Variants in MCM6 observed in about 807,000 individuals in gnomAD.
MCM6 encodes DNA replication licensing factor MCM6.
Under a neutral mutation model 94.3 loss-of-function variants are expected in MCM6, and 46 were observed. That is an observed-to-expected ratio of 0.49 (90% CI 0.39 to 0.62). The LOEUF (loss-of-function observed/expected upper bound fraction) is 0.62. MCM6 is among the 20% of genes least tolerant of loss of function. The pLI, the probability that MCM6 is intolerant of heterozygous loss-of-function variation, is 0.00. For synonymous variants in MCM6, 335 were observed against 351.9 expected (o/e 0.95, Z 0.54); for missense variants, 865 against 1,017.9 (o/e 0.85, Z 2.04).
At chr2:135,847,081 A>G (rs754812644) in intron 14 of MCM6, among the ~76,000 whole-genome samples, 1 of 152,212 alleles carries the variant, frequency 6.6e-6, no homozygotes, top group Non-Finnish European at 1.5e-5. Flanking sequence ...ATTTTCAAAT[A>G]AATTAGAAGC....
At position 135,859,431 on chromosome 2, in the gene MCM6, T is replaced by C; in HGVS notation, c.1232A>G (p.Glu411Gly). The C allele has an allele frequency of 6.2e-7, 1 of 1,610,756 alleles. No homozygotes were observed. Among genetic ancestry groups the C allele is most frequent in the Non-Finnish European group, 8.5e-7 (1 of 1,178,478 alleles). The change falls in exon 9 of 17, where the codon GAG becomes GGG. Residue 411 changes from glutamate to glycine, a missense_variant. Glu to Gly is a moderately conservative substitution (Grantham distance 98, BLOSUM62 -2). Around this residue, in one of 3 missense-constraint regions of MCM6, gnomAD observed 153 missense variants for 241.5 expected, o/e 0.63. Transcript: ENST00000264156. ...AKSQFLKHVE[E>G]FSPRAVYTSG... ...GGTGTAGACAGCTCTGGGGCTGAACTCCTCCACGTGCCTGTTCAAGGTTAT... is the reference window on the plus strand; with the variant it reads ...GGTGTAGACAGCTCTGGGGCTGAACCCCTCCACGTGCCTGTTCAAGGTTAT...
chr2:135,843,600 C>T (rs539073425), intron 16 of MCM6, among the ~76,000 whole-genome samples: 6 of 151,308 alleles, frequency 4.0e-5, no homozygotes, highest in South Asian at 2.1e-4. Context: ...ATTAGCCGGG[C>T]GTGGTGGCCG....
At chr2:135,864,004 G>A (rs113135582) in intron 7 of MCM6, among the ~76,000 whole-genome samples, 24 of 152,068 alleles carry the variant, frequency 1.6e-4, no homozygotes, top group African/African-American at 3.4e-4. Context: ...CCAGCTACTC[G>A]TGAGGCTGAG....
chr2:135,850,040 AT>A (rs1558755657), intron 13 of MCM6, among the ~76,000 whole-genome samples: 2 of 152,210 alleles, frequency 1.3e-5, no homozygotes, highest in African/African-American at 4.8e-5. Context: ...ATAAAAATCA[AT>A]TAGAGACTGC....
At position 135,840,792 on chromosome 2, in the gene MCM6, C is replaced by G. The variant is rs1679553876; in HGVS notation, c.*43G>C. On this transcript the variant is annotated 3_prime_UTR_variant, in exon 17 of 17. Transcript: ENST00000264156. ...CAGCCAGGCTCCAGGCCACGAGGTG[C>G]TGTGCCACAGTTCCTCAGCTCTGGT... The G allele has an allele frequency of 4.4e-6, 6 of 1,368,938 alleles. No individual in the cohort carries two copies. The highest frequency in any genetic ancestry group is 6.3e-6 in the Non-Finnish European group (6 of 957,276). The allele number at this position is 1,368,938 out of a possible 1,614,324, so 84.8% of individuals were successfully genotyped here.
intron 14 of MCM6, among the ~76,000 whole-genome samples, chr2:135,847,195 T>C (rs948274982): frequency 6.6e-6 from 1 of 152,150 alleles, no homozygotes; most frequent in Admixed American, 6.6e-5. Context: ...TGCAGTATTA[T>C]ATACAAAATA....
At position 135,862,751 on chromosome 2, in the gene MCM6, G is replaced by A. The variant is rs747773474; in HGVS notation, c.1079-3C>T. 1.2e-6 allele frequency: 2 copies of A among 1,612,606 alleles called. No homozygotes were observed. The highest frequency in any genetic ancestry group is 1.3e-5 in the African/African-American group (1 of 74,922). Reference sequence around the variant, plus strand: ...ACCCCGTTTTACTTCATCATTGCCTGAAATGAAAAGAAGCTACAGATGAAA... The same window carrying A: ...ACCCCGTTTTACTTCATCATTGCCTAAAATGAAAAGAAGCTACAGATGAAA... On this transcript the variant is annotated splice_region_variant and splice_polypyrimidine_tract_variant and intron_variant, in intron 7 of 16. Transcript: ENST00000264156.
At chr2:135,843,934 G>A (rs1431184407) in intron 16 of MCM6, among the ~76,000 whole-genome samples, 2 of 152,074 alleles carry the variant, frequency 1.3e-5, no homozygotes, top group Middle Eastern at 3.4e-3. Flanking sequence ...GGTATGTGAT[G>A]GGCCTGTGAG....
intron 8 of MCM6, among the ~76,000 whole-genome samples, chr2:135,862,326 A>C (rs936286820): frequency 2.9e-5 from 4 of 140,186 alleles, no homozygotes; most frequent in Middle Eastern, 3.6e-3. Flanking sequence ...AAAATTTTAT[A>C]CAAATAATAA....
At chr2:135,844,773 G>A in intron 15 of MCM6, 89 bp from the exon 16 acceptor site, 2 of 1,307,306 alleles carry the variant, frequency 1.5e-6, no homozygotes, top group Non-Finnish European at 2.0e-6. Context: ...ACGAGATAAT[G>A]TACAGATTAG....
chr2:135,848,348 CT>C (rs1679708962), intron 13 of MCM6, among the ~76,000 whole-genome samples, 160 bp from the exon 14 acceptor site: 1 of 152,190 alleles, frequency 6.6e-6, no homozygotes. Flanking sequence ...CTCTCATTCT[CT>C]CTCTTACACA....
chr2:135,862,714 C>T lies in MCM6; in HGVS notation c.1113G>A (p.Met371Ile), dbSNP rs2105586382. The T allele has an allele frequency of 1.9e-6, 3 of 1,614,130 alleles. No homozygotes were observed. The highest frequency in any genetic ancestry group is 4.5e-5 in the East Asian group (2 of 44,886). ...TTGTCTTTGGAACGCCACCAAAGAG[C>T]ATCAGCAGGACACCCCGTTTTACTT... Reference protein sequence around the residue: ...NDEVKRGVLLMLFGGVPKTTG... With the variant: ...NDEVKRGVLLILFGGVPKTTG... The change falls in exon 8 of 17, where the codon ATG becomes ATA. Residue 371 changes from methionine (M) to isoleucine (I), a missense_variant. By Grantham distance (10) the Met-to-Ile change is conservative (BLOSUM62 1). Around this residue, in one of 3 missense-constraint regions of MCM6, gnomAD observed 153 missense variants for 241.5 expected, o/e 0.63. Coordinates refer to ENST00000264156, the MANE Select transcript of MCM6 (RefSeq NM_005915.6).
chr2:135,842,895 TGAATTTCCTTCTAATGTGA>T lies in MCM6; in HGVS notation c.2349+1631_2349+1649del. Among the ~76,000 whole-genome samples, 3 of 152,268 alleles carry T rather than the reference TGAATTTCCTTCTAATGTGA, an allele frequency of 2.0e-5. No individual in the cohort carries two copies. In the South Asian group the frequency reaches 6.2e-4, roughly 32 times the overall value. ...GTTCTGCAGGCCATGACAAGGAGGC[TGAATTTCCTTCTAATGTGA>T]GAGAAGCACTGGAAGGGAGGGTAGT... On this transcript the variant is annotated intron_variant, in intron 16 of 16. Coordinates refer to ENST00000264156, the MANE Select transcript of MCM6 (RefSeq NM_005915.6).
intron 9 of MCM6, among the ~76,000 whole-genome samples, chr2:135,858,679 A>AGT (rs1679934880): frequency 6.6e-6 from 1 of 152,210 alleles, no homozygotes; most frequent in African/African-American, 2.4e-5. Flanking sequence ...AACTAAGAGC[A>AGT]TAACTAAAAA....
At chr2:135,846,431 C>T in intron 14 of MCM6, 39 bp from the exon 15 acceptor site, 1 of 1,561,756 alleles carries the variant, frequency 6.4e-7, no homozygotes, top group Non-Finnish European at 8.8e-7. Flanking sequence ...TATTTTTGTG[C>T]CCTTAACATC....
chr2:135,861,046 G>A (rs1364256959), intron 8 of MCM6, among the ~76,000 whole-genome samples: 11 of 151,254 alleles, frequency 7.3e-5, no homozygotes, highest in Admixed American at 4.0e-4. Flanking sequence ...TGAGGGGGGA[G>A]AAAGAATGAC....
chr2:135,865,678 T>A (rs2105588496), intron 6 of MCM6, among the ~76,000 whole-genome samples: 4 of 152,350 alleles, frequency 2.6e-5, no homozygotes, highest in Middle Eastern at 3.4e-3. Context: ...TTTGTACCAC[T>A]GCACTTAAAA....
In MCM6 at chr2:135,876,418, C is replaced by CT. The variant is rs1167333805; in HGVS notation, c.-54dup. The stretch of plus-strand genomic sequence containing the variant: ...CGCCACGCTCGACCGCCACAAGTCG[C>CT]TTTTTTCCAGACGCTGCAGCTTTGC... On this transcript the variant is annotated 5_prime_UTR_variant, in exon 1 of 17. Transcript: ENST00000264156. 2.7e-6 allele frequency: 4 copies of CT among 1,486,010 alleles called. No individual in the cohort carries two copies. The highest frequency in any genetic ancestry group is 3.6e-6 in the Non-Finnish European group (4 of 1,104,146). 92.1% of individuals were successfully genotyped at this position (1,486,010 alleles called of 1,614,324 possible).
At chr2:135,867,202 AC>A (rs1680108052) in intron 4 of MCM6, among the ~76,000 whole-genome samples, 1 of 152,200 alleles carries the variant, frequency 6.6e-6, no homozygotes. Context: ...GAAACTTCAT[AC>A]CTAAATATTT....
Sources: allele counts gnomAD v4.1 joint callset (sites outside exome capture counted in the v4.1 genomes callset), GRCh38; gene constraint gnomAD v4.1.1; regional missense constraint gnomAD v4.1.1; transcripts MANE v1.5; gene names NCBI Gene and HGNC (gene_info 2026-07-23, HGNC 2026-07-21).